XPO6: variants seen among roughly 807,000 people sequenced by gnomAD.
XPO6 encodes exportin 6.
In XPO6, 3 loss-of-function variants were observed where a neutral mutation model predicts 130.0. The ratio of observed to expected loss-of-function variants is 0.02; its 90% CI spans 0.01 to 0.06. The LOEUF (loss-of-function observed/expected upper bound fraction) is 0.06. Among genes scored for constraint, XPO6 ranks in the 10% least tolerant of loss-of-function variants. The pLI is 1.00. For synonymous variants in XPO6, 524 were observed against 548.9 expected (o/e 0.95, Z 0.63); for missense variants, 970 against 1,393.0 (o/e 0.70, Z 4.83).
rs1272427248 is a variant in XPO6, at chr16:28,121,702, C to T, written c.1827G>A (p.Val609=). ...QIKLYNIETA[V]PSVLKPDLID... Reference sequence around the variant, plus strand: ...TGAGGTCAGGTTTCAATACTGATGGCACAGCAGTTTCAATGTTGTACAATT... The same window carrying T: ...TGAGGTCAGGTTTCAATACTGATGGTACAGCAGTTTCAATGTTGTACAATT... Residue 609 remains valine (V), a synonymous_variant, in exon 14 of 24, where the codon GTG becomes GTA. Coordinates refer to ENST00000304658, the MANE Select transcript of XPO6 (RefSeq NM_015171.4). 2 of 1,613,870 alleles carry T rather than the reference C, an allele frequency of 1.2e-6. No homozygotes were observed. The highest frequency in any genetic ancestry group is 2.2e-5 in the East Asian group (1 of 44,892).
At position 28,101,482 on chromosome 16, in the gene XPO6, C is replaced by T; in HGVS notation, c.3252G>A (p.Leu1084=). 6.2e-7 allele frequency: 1 copy of T among 1,614,200 alleles called. No individual in the cohort carries two copies. Among genetic ancestry groups the T allele is most frequent in the Non-Finnish European group, 8.5e-7 (1 of 1,180,010 alleles). Residue 1084 remains leucine, a synonymous_variant, in exon 23 of 24, where the codon CTG becomes CTA. Transcript: ENST00000304658. This position sits in a 1 kb window ranked among gnomAD's most constrained non-coding sequence, Gnocchi z 5.4. ...CCCGATCCATCTTGAAATTCCGCCC[C>T]AGCACACTTTTCTGGTTGGCATCCA... The part of the protein sequence containing the change: ...DGVDANQKSV[L]GRNFKMDRDL...
chr16:28,165,112 G>A (rs955555980), intron 6 of XPO6, among the ~76,000 whole-genome samples: 1 of 152,192 alleles, frequency 6.6e-6, no homozygotes, highest in African/African-American at 2.4e-5. Context: ...AGCTACCTGG[G>A]AGGCTGAAAT....
intron 6 of XPO6, among the ~76,000 whole-genome samples, chr16:28,158,494 A>C (rs947189556): frequency 6.6e-6 from 1 of 152,246 alleles, no homozygotes; most frequent in Non-Finnish European, 1.5e-5. Context: ...TTTTTTATTA[A>C]AGCATATTAT....
chr16:28,134,030 G>A, intron 10 of XPO6, 97 bp from the exon 11 acceptor site: 9 of 1,166,016 alleles, frequency 7.7e-6, no homozygotes, highest in Non-Finnish European at 9.9e-6. Context: ...TTGAAGAAAT[G>A]GAAAATGATG....
intron 1 of XPO6, among the ~76,000 whole-genome samples, chr16:28,188,852 T>C (rs75661432): frequency 6.6e-6 from 1 of 152,080 alleles, no homozygotes; most frequent in East Asian, 1.9e-4. Context: ...GCTAGAAAAG[T>C]GCATCAAGGA....
At chr16:28,138,689 C>A (rs575778110) in intron 9 of XPO6, among the ~76,000 whole-genome samples, 1 of 152,132 alleles carries the variant, frequency 6.6e-6, no homozygotes, top group East Asian at 1.9e-4. Context: ...GGGCGGTCAA[C>A]GAGAGCCTAA....
At chr16:28,206,372 C>T (rs1161025895) in intron 1 of XPO6, among the ~76,000 whole-genome samples, 2 of 151,920 alleles carry the variant, frequency 1.3e-5, no homozygotes, top group Admixed American at 6.6e-5. Context: ...AATCCCCACT[C>T]TCTACAAAAA....
In XPO6 at chr16:28,135,294, T is replaced by G. The variant is rs1173661714; in HGVS notation, c.1365A>C (p.Thr455=). 1.9e-6 allele frequency: 3 copies of G among 1,613,938 alleles called. No individual in the cohort carries two copies. The Admixed American group carries it at 5.0e-5, about 27-fold the overall frequency. The change falls in exon 10 of 24, where the codon ACA becomes ACC. Residue 455 remains threonine (T), a synonymous_variant. Transcript: ENST00000304658. The part of the protein sequence containing the change: ...RYEDALVLLL[T]EVLNRIQFRY... ...TGAACTGGATTCGATTCAACACCTC[T>G]GTGAGCAGGAGCACCAGGGCATCTT...
intron 20 of XPO6, 144 bp downstream of exon 20, chr16:28,105,899 G>T: frequency 8.2e-7 from 1 of 1,214,452 alleles, no homozygotes; most frequent in Non-Finnish European, 1.2e-6. Flanking sequence ...ACCACTAAAG[G>T]CCTTCTTCCT....
At chr16:28,159,452 A>G (rs1168618115) in intron 6 of XPO6, among the ~76,000 whole-genome samples, 1 of 152,224 alleles carries the variant, frequency 6.6e-6, no homozygotes, top group African/African-American at 2.4e-5. Context: ...CCACAGTAAC[A>G]TTCACAGCAT....
chr16:28,145,343 T>C (rs2141797571), intron 9 of XPO6, among the ~76,000 whole-genome samples: 1 of 152,206 alleles, frequency 6.6e-6, no homozygotes, highest in South Asian at 2.1e-4. Flanking sequence ...ATGCTGAATC[T>C]CCACCTTCCC....
Position 28,104,717 on chromosome 16 carries a change from C to A in XPO6, c.2785-10G>T. On this transcript the variant is annotated splice_polypyrimidine_tract_variant and intron_variant, in intron 20 of 23. Transcript: ENST00000304658. ...CATCAGGGGAGGGACGCTGCAAAGA[C>A]ACACAGACGCTCAGACCTGCAGCTT... 2 of 1,613,386 alleles carry A rather than the reference C, an allele frequency of 1.2e-6. No homozygotes were observed. Among genetic ancestry groups the A allele is most frequent in the Non-Finnish European group, 1.7e-6 (2 of 1,179,986 alleles).
In XPO6 at chr16:28,101,390, G is replaced by T; in HGVS notation, c.3276+68C>A. 7.0e-7 allele frequency: 1 copy of T among 1,420,736 alleles called. No individual in the cohort carries two copies. The highest frequency in any genetic ancestry group is 9.9e-7 in the Non-Finnish European group (1 of 1,008,712). The allele number at this position is 1,420,736 out of a possible 1,614,324, so 88.0% of individuals were successfully genotyped here. The stretch of plus-strand genomic sequence containing the variant: ...AGAGGCCTCAATGTGCCCCCTCCTT[G>T]CTGCACAGGTGCCAGGCTTGCGTGC... On this transcript the variant is annotated intron_variant, in intron 23 of 23. Coordinates refer to ENST00000304658, the MANE Select transcript of XPO6 (RefSeq NM_015171.4). This position sits in a 1 kb window ranked among gnomAD's most constrained non-coding sequence, Gnocchi z 5.4.
intron 23 of XPO6, among the ~76,000 whole-genome samples, chr16:28,100,132 C>T (rs545581096): frequency 1.3e-5 from 2 of 152,212 alleles, no homozygotes; most frequent in South Asian, 2.1e-4. Flanking sequence ...GGATTACAGG[C>T]GTGTGCCACC....
chr16:28,171,676 C>T (rs2043452388), intron 4 of XPO6, among the ~76,000 whole-genome samples: 1 of 152,134 alleles, frequency 6.6e-6, no homozygotes, highest in African/African-American at 2.4e-5. Flanking sequence ...AAATTCAGGT[C>T]TCTTGAACAC....
At chr16:28,098,683 AC>A in intron 23 of XPO6, 44 bp from the exon 24 acceptor site, 1 of 1,471,116 alleles carries the variant, frequency 6.8e-7, no homozygotes, top group Non-Finnish European at 9.4e-7. Flanking sequence ...ACACCAGGTC[AC>A]CCACCCACCA....
chr16:28,139,065 T>C (rs2042836331), intron 9 of XPO6, among the ~76,000 whole-genome samples: 1 of 152,282 alleles, frequency 6.6e-6, no homozygotes, highest in East Asian at 1.9e-4. Context: ...AAGTACTCAT[T>C]CATATATTGA....
At position 28,098,376 on chromosome 16, in the gene XPO6, G is replaced by A. The variant is rs1768149552; in HGVS notation, c.*162C>T. The A allele has an allele frequency of 1.6e-6, 1 of 618,988 alleles. No homozygotes were observed. The highest frequency in any genetic ancestry group is 2.8e-6 in the Non-Finnish European group (1 of 356,070). The allele number at this position is 618,988 out of a possible 1,614,324, so 38.3% of individuals were successfully genotyped here. On this transcript the variant is annotated 3_prime_UTR_variant, in exon 24 of 24. Transcript: ENST00000304658. ...TGGACCCAGAAGCCAGCTCTGCTGG[G>A]CAGCGGCAAGATGTGGAGGAGCGGC...
At position 28,156,440 on chromosome 16, in the gene XPO6, T is replaced by C. The variant is rs200608394; in HGVS notation, c.731A>G (p.Tyr244Cys). The change falls in exon 7 of 24, where the codon TAT becomes TGT. Residue 244 changes from tyrosine to cysteine, a missense_variant. By Grantham distance (194) the Tyr-to-Cys change is radical. Around this residue, in one of 4 missense-constraint regions of XPO6, gnomAD observed 936 missense variants for 1,306.8 expected, o/e 0.72. Transcript: ENST00000304658. ...PIPILDVESEYICSLALECLA... is the reference protein window; with the variant it reads ...PIPILDVESECICSLALECLA... ...GCACTCCAAAGCCAGGGAACAGATA[T>C]ACTCACTCTCCACATCAAGGATGGG... The C allele has an allele frequency of 8.7e-6, 14 of 1,613,664 alleles. No homozygotes were observed. The highest frequency in any genetic ancestry group is 4.5e-5 in the East Asian group (2 of 44,872).
Sources: allele counts gnomAD v4.1 joint callset (sites outside exome capture counted in the v4.1 genomes callset), GRCh38; gene constraint gnomAD v4.1.1; regional missense constraint gnomAD v4.1.1; non-coding constraint Gnocchi (gnomAD v3.1); transcripts MANE v1.5; gene names NCBI Gene and HGNC (gene_info 2026-07-23, HGNC 2026-07-21).